The following OSTF1 variants were observed in gnomAD, a reference collection of about 807,000 sequenced individuals.
The protein encoded by OSTF1 is osteoclast stimulating factor 1, also known as osteoclast-stimulating factor 1.
OSTF1 carries 27 observed loss-of-function variants against 37.2 expected under a neutral mutation model. That is an observed-to-expected ratio of 0.73 (90% confidence interval 0.54 to 1.00). The LOEUF is 1.00. Among genes scored for constraint, OSTF1 ranks in the 50% least tolerant of loss-of-function variants. The pLI is 0.00. For synonymous variants in OSTF1, 82 were observed against 89.2 expected (o/e 0.92, Z 0.46); for missense variants, 232 against 253.8 (o/e 0.91, Z 0.58).
At position 75,099,534 on chromosome 9, in the gene OSTF1, G is replaced by A. The variant is rs564321871; in HGVS notation, c.34+10808G>A. The stretch of plus-strand genomic sequence containing the variant: ...AGTCTTCCCACTTGGGCCTCCCAAA[G>A]TGTTGGGATTGGGCTGGGTGTGGTG... On this transcript the variant is annotated intron_variant, in intron 1 of 9. Transcript: ENST00000346234. Among the ~76,000 whole-genome samples, 381 of 152,266 alleles carry A rather than the reference G, an allele frequency of 2.5e-3. 2 individuals carry two copies. The highest frequency in any genetic ancestry group is 8.8e-3 in the African/African-American group (367 of 41,574).
chr9:75,124,835 T>C (rs906078313), intron 2 of OSTF1, among the ~76,000 whole-genome samples: 5 of 152,208 alleles, frequency 3.3e-5, no homozygotes, highest in Non-Finnish European at 5.9e-5. Context: ...TATGGAAATT[T>C]AGGGAGATTT....
At position 75,088,767 on chromosome 9, in the gene OSTF1, G is replaced by C. The variant is rs187014868; in HGVS notation, c.34+41G>C. ...TAGGCGCTTGCCAGGTCCTGCGACC[G>C]CCGCGGTGCCGGCGCCTCCTCTGCA... On this transcript the variant is annotated intron_variant, in intron 1 of 9. Transcript: ENST00000346234. 458 of 1,571,568 alleles carry C rather than the reference G, an allele frequency of 2.9e-4. 3 individuals are homozygous for C. Among genetic ancestry groups the C allele is most frequent in the Non-Finnish European group, 6.6e-5 (76 of 1,155,888 alleles).
intron 1 of OSTF1, among the ~76,000 whole-genome samples, chr9:75,095,982 C>G (rs868621811): frequency 1.3e-5 from 2 of 151,996 alleles, no homozygotes; most frequent in Admixed American, 1.3e-4. Flanking sequence ...ACCTCCGCCT[C>G]CCGGGTTCAC....
chr9:75,104,913 C>T (rs1385715275), intron 1 of OSTF1, among the ~76,000 whole-genome samples: 2 of 152,168 alleles, frequency 1.3e-5, no homozygotes, highest in African/African-American at 4.8e-5. Flanking sequence ...GTTACTTACC[C>T]TCTCTAACCT....
At chr9:75,110,775 G>C (rs1267608823) in intron 1 of OSTF1, among the ~76,000 whole-genome samples, 1 of 151,540 alleles carries the variant, frequency 6.6e-6, no homozygotes, top group Admixed American at 6.6e-5. Flanking sequence ...CAGTGGTGCA[G>C]TCATGGCTCA....
chr9:75,133,281 A>G lies in OSTF1; in HGVS notation c.251-13A>G. ...TTTTTTCTTGTGTTCTTGTAAATGT[A>G]AAATTCTTTCAGGCAACTTGAGCTG... On this transcript the variant is annotated splice_polypyrimidine_tract_variant and intron_variant, in intron 5 of 9. Coordinates refer to ENST00000346234, the MANE Select transcript of OSTF1 (RefSeq NM_012383.5). 1 of 1,520,740 alleles carries G rather than the reference A, an allele frequency of 6.6e-7. No homozygotes were observed. 94.2% of individuals were successfully genotyped at this position (1,520,740 alleles called of 1,614,324 possible). A position where few individuals can be genotyped will look rare whatever the true frequency, so the allele number is the denominator to read the frequency against.
intron 5 of OSTF1, 48 bp downstream of exon 5, chr9:75,131,871 C>T (rs770105752): frequency 1.3e-5 from 18 of 1,406,258 alleles, no homozygotes; most frequent in South Asian, 3.5e-5. Context: ...GTAAAAGGCA[C>T]GGATTTCAAT....
At chr9:75,101,221 AGTCAGGGCGTCAGGTCAGGTAG>A (rs1306013690) in intron 1 of OSTF1, among the ~76,000 whole-genome samples, 6 of 152,080 alleles carry the variant, frequency 3.9e-5, no homozygotes, top group Admixed American at 6.6e-5. Context: ...CCTGGAGTGG[AGTCAGGGCGTCAGGTCAGGTAG>A]GTCAGGGCGT....
chr9:75,100,974 C>T (rs1313273088), intron 1 of OSTF1, among the ~76,000 whole-genome samples: 1 of 152,202 alleles, frequency 6.6e-6, no homozygotes, highest in Non-Finnish European at 1.5e-5. Flanking sequence ...TCCTAAAGGA[C>T]TCCATTCTCT....
intron 1 of OSTF1, among the ~76,000 whole-genome samples, chr9:75,105,690 A>C (rs554258117): frequency 6.6e-6 from 1 of 152,024 alleles, no homozygotes; most frequent in East Asian, 1.9e-4. Context: ...ATTTTTCCCA[A>C]GGTCTCCTCA....
At chr9:75,143,832 A>G (rs897971821) in intron 9 of OSTF1, among the ~76,000 whole-genome samples, 3 of 152,242 alleles carry the variant, frequency 2.0e-5, no homozygotes, top group African/African-American at 7.2e-5. Flanking sequence ...TCATCACACA[A>G]CACCTGACCA....
At chr9:75,124,157 A>G (rs1470455094) in intron 2 of OSTF1, among the ~76,000 whole-genome samples, 1 of 152,160 alleles carries the variant, frequency 6.6e-6, no homozygotes, top group Non-Finnish European at 1.5e-5. Context: ...CTGTGAGTAC[A>G]TAGTAGGTGT....
In OSTF1 at chr9:75,094,119, T is replaced by C. The variant is rs73652703; in HGVS notation, c.34+5393T>C. 2.1e-3 allele frequency among the ~76,000 whole-genome samples: 327 copies of C among 152,314 alleles called. 1 individual carries two copies. The highest frequency in any genetic ancestry group is 6.7e-3 in the African/African-American group (279 of 41,568). Reference sequence around the variant, plus strand: ...GAAGCTTTAATTGAGTCCATGCATATGAGCAGAGAAACCTGCCAGAGATGT... The same window carrying C: ...GAAGCTTTAATTGAGTCCATGCATACGAGCAGAGAAACCTGCCAGAGATGT... On this transcript the variant is annotated intron_variant, in intron 1 of 9. Transcript: ENST00000346234.
At chr9:75,115,586 T>C (rs1433621599) in intron 1 of OSTF1, among the ~76,000 whole-genome samples, 1 of 152,032 alleles carries the variant, frequency 6.6e-6, no homozygotes, top group Non-Finnish European at 1.5e-5. Context: ...ATAGTCCCTC[T>C]ATTTTGATAT....
chr9:75,109,690 C>T lies in OSTF1; in HGVS notation c.35-7814C>T, dbSNP rs192711667. 2.6e-4 allele frequency among the ~76,000 whole-genome samples: 39 copies of T among 152,246 alleles called. 1 individual carries two copies. The highest frequency in any genetic ancestry group is 2.1e-3 in the East Asian group (11 of 5,176). ...TTTTGTATGCAATATTTTCTTCCTACGGAAGATGACCGGAAGGGATTTCTA... is the reference window on the plus strand; with the variant it reads ...TTTTGTATGCAATATTTTCTTCCTATGGAAGATGACCGGAAGGGATTTCTA... On this transcript the variant is annotated intron_variant, in intron 1 of 9. Coordinates refer to ENST00000346234, the MANE Select transcript of OSTF1 (RefSeq NM_012383.5).
chr9:75,123,742 G>T (rs1825618809), intron 2 of OSTF1, among the ~76,000 whole-genome samples: 1 of 152,172 alleles, frequency 6.6e-6, no homozygotes, highest in South Asian at 2.1e-4. Flanking sequence ...GACATTTTAC[G>T]AGTAGTAGCA....
At chr9:75,102,972 A>C (rs1825219936) in intron 1 of OSTF1, among the ~76,000 whole-genome samples, 2 of 152,190 alleles carry the variant, frequency 1.3e-5, no homozygotes, top group South Asian at 4.1e-4. Flanking sequence ...GACTCATATT[A>C]GTAAATACAT....
intron 1 of OSTF1, among the ~76,000 whole-genome samples, chr9:75,111,362 G>A (rs948912079): frequency 2.0e-5 from 3 of 152,098 alleles, no homozygotes; most frequent in Non-Finnish European, 4.4e-5. Context: ...ATGACTAATG[G>A]ACTCACCCTT....
chr9:75,107,619 G>A (rs1332403526), intron 1 of OSTF1, among the ~76,000 whole-genome samples: 1 of 152,212 alleles, frequency 6.6e-6, no homozygotes, highest in Non-Finnish European at 1.5e-5. Flanking sequence ...TTATCAGATA[G>A]TCTGGAGCAA....
Sources: allele counts gnomAD v4.1 joint callset (sites outside exome capture counted in the v4.1 genomes callset), GRCh38; gene constraint gnomAD v4.1.1; transcripts MANE v1.5; gene names NCBI Gene and HGNC (gene_info 2026-07-23, HGNC 2026-07-21).